Variants in SMG9 observed in about 807,000 individuals in gnomAD.
SMG9 encodes the protein nonsense-mediated mRNA decay factor SMG9.
A neutral mutation model predicts 64.0 loss-of-function variants in SMG9; 55 were observed. The ratio of observed to expected loss-of-function variants is 0.86; its 90% CI spans 0.69 to 1.08. The LOEUF (loss-of-function observed/expected upper bound fraction) is 1.08, where lower values mean the gene tolerates loss of function less well. SMG9 is among the 50% of genes least tolerant of loss of function. The probability of loss-of-function intolerance (pLI) is 0.00; values close to 1 mark genes in which losing one functional copy is unlikely to be tolerated. For missense variants in SMG9, 554 were observed against 681.3 expected (o/e 0.81, Z 2.08); for synonymous variants, 244 against 254.8 (o/e 0.96, Z 0.41).
At chr19:43,743,047 C>T (rs535055826) in intron 6 of SMG9, among the ~76,000 whole-genome samples, 4 of 151,994 alleles carry the variant, frequency 2.6e-5, no homozygotes, top group African/African-American at 9.7e-5. Flanking sequence ...CGCCCTCCAG[C>T]CTGGGTGACA....
At chr19:43,736,741 A>T (rs563018899) in intron 9 of SMG9, among the ~76,000 whole-genome samples, 1 of 152,342 alleles carries the variant, frequency 6.6e-6, no homozygotes, top group East Asian at 1.9e-4. Flanking sequence ...GAGAAAGATC[A>T]TAAGGAAAGC....
At chr19:43,754,407 C>A (rs111237925) in intron 1 of SMG9, 1 of 152,264 alleles carries the variant, frequency 6.6e-6, no homozygotes, top group Non-Finnish European at 1.5e-5. Flanking sequence ...CAGTACTTGA[C>A]GGGCAGTTTG....
At chr19:43,749,543 T>G (rs1969129906) in intron 2 of SMG9, among the ~76,000 whole-genome samples, 1 of 152,216 alleles carries the variant, frequency 6.6e-6, no homozygotes, top group Admixed American at 6.5e-5. Flanking sequence ...TCATTTACAC[T>G]GTGGCCCAAG....
rs759674373 is a variant in SMG9 at position 43,728,823 on chromosome 19, C to T, written c.*2773G>A. 1.9e-4 allele frequency: 39 copies of T among 207,830 alleles called. No homozygotes were observed. Among genetic ancestry groups the T allele is most frequent in the Non-Finnish European group, 3.1e-4 (37 of 119,026 alleles). The allele number at this position is 207,830 out of a possible 1,614,324, so 12.9% of individuals were successfully genotyped here. ...AGCTGATTGAGCGGTGCTCATGTTT[C>T]CTGCAGTGGAGGGTGAGAAGGATAC... On this transcript the variant is annotated 3_prime_UTR_variant, in exon 14 of 14. Transcript: ENST00000270066.
At chr19:43,733,161 A>C in intron 12 of SMG9, 159 bp from the exon 13 acceptor site, 1 of 1,326,898 alleles carries the variant, frequency 7.5e-7, no homozygotes, top group Non-Finnish European at 1.0e-6. Flanking sequence ...TAAAGGGTCC[A>C]CACACCCCAG....
intron 1 of SMG9, among the ~76,000 whole-genome samples, chr19:43,752,085 A>G (rs1969205160): frequency 1.3e-5 from 2 of 152,206 alleles, no homozygotes; most frequent in Admixed American, 1.3e-4. Flanking sequence ...GCCACTTACT[A>G]GTGTATGTCA....
In SMG9 at chr19:43,740,895, G is replaced by T. The variant is rs546839851; in HGVS notation, c.702-677C>A. ...GCCCTAAACCACTAAGTTCAACTTG[G>T]TGACTCTGTGACTTGGGCAAAGTGA... On this transcript the variant is annotated intron_variant, in intron 6 of 13. Transcript: ENST00000270066. 4.6e-5 allele frequency among the ~76,000 whole-genome samples: 7 copies of T among 152,264 alleles called. No individual in the cohort carries two copies. In the South Asian group the frequency reaches 1.5e-3, roughly 32 times the overall value.
At chr19:43,746,427 G>A (rs1024107035) in intron 5 of SMG9, among the ~76,000 whole-genome samples, 1 of 152,170 alleles carries the variant, frequency 6.6e-6, no homozygotes, top group East Asian at 1.9e-4. Flanking sequence ...CATCACTGCA[G>A]AAAGTTTTCC....
intron 9 of SMG9, among the ~76,000 whole-genome samples, chr19:43,736,606 C>T (rs574081771): frequency 2.0e-4 from 30 of 152,308 alleles, no homozygotes; most frequent in African/African-American, 6.3e-4. Flanking sequence ...CAAAACTCCA[C>T]GGATCAGACA....
intron 9 of SMG9, among the ~76,000 whole-genome samples, chr19:43,736,559 C>T (rs1421962169): frequency 6.6e-6 from 1 of 152,180 alleles, no homozygotes; most frequent in Admixed American, 6.5e-5. Flanking sequence ...CCCTGAGTAC[C>T]AACAGGAGGG....
At chr19:43,742,028 A>G (rs978791252) in intron 6 of SMG9, among the ~76,000 whole-genome samples, 9 of 152,134 alleles carry the variant, frequency 5.9e-5, no homozygotes, top group African/African-American at 9.7e-5. Context: ...CACGCCTGTA[A>G]TCCCAGCTAC....
intron 6 of SMG9, among the ~76,000 whole-genome samples, chr19:43,743,756 AT>A (rs1178025696): frequency 6.6e-6 from 1 of 152,224 alleles, no homozygotes; most frequent in Non-Finnish European, 1.5e-5. Context: ...TGATCGTGCC[AT>A]TGCACTTGAG....
chr19:43,733,107 C>A, intron 12 of SMG9, 105 bp from the exon 13 acceptor site: 1 of 1,413,414 alleles, frequency 7.1e-7, no homozygotes, highest in Non-Finnish European at 9.5e-7. Flanking sequence ...TCAGCCCCGG[C>A]TGAGCTCTTC....
chr19:43,743,810 A>T (rs1403443033), intron 6 of SMG9, among the ~76,000 whole-genome samples: 1 of 152,190 alleles, frequency 6.6e-6, no homozygotes, highest in Non-Finnish European at 1.5e-5. Context: ...ATAAATGAAT[A>T]AATAAAATTC....
intron 6 of SMG9, among the ~76,000 whole-genome samples, chr19:43,742,587 C>G (rs897307159): frequency 6.6e-6 from 1 of 152,206 alleles, no homozygotes; most frequent in Non-Finnish European, 1.5e-5. Context: ...CCCACAAGGG[C>G]AGATTTTTTC....
intron 2 of SMG9, among the ~76,000 whole-genome samples, chr19:43,749,036 A>G (rs1274314966): frequency 6.6e-6 from 1 of 152,104 alleles, no homozygotes; most frequent in Non-Finnish European, 1.5e-5. Context: ...ATATTTGCAT[A>G]TTTACTGGTT....
chr19:43,747,497 T>C lies in SMG9; in HGVS notation c.533A>G (p.Lys178Arg). 6.2e-7 allele frequency: 1 copy of C among 1,614,208 alleles called. No homozygotes were observed. The highest frequency in any genetic ancestry group is 8.5e-7 in the Non-Finnish European group (1 of 1,180,044). ...QAKLLPPERMKHSIKLVDDQM... is the reference protein window; with the variant it reads ...QAKLLPPERMRHSIKLVDDQM... Reference sequence around the variant, plus strand: ...GTCATCCACCAACTTGATGCTGTGCTTCATGCGCTCTGGGGGCAGTAGTTT... The same window carrying C: ...GTCATCCACCAACTTGATGCTGTGCCTCATGCGCTCTGGGGGCAGTAGTTT... The change falls in exon 5 of 14, where the codon AAG becomes AGG. Residue 178 changes from lysine to arginine, a missense_variant. Transcript: ENST00000270066.
chr19:43,738,170 G>T lies in SMG9; in HGVS notation c.861C>A (p.Arg287=), dbSNP rs1968734679. The T allele has an allele frequency of 8.1e-6, 13 of 1,614,028 alleles. No homozygotes were observed. Among genetic ancestry groups the T allele is most frequent in the Non-Finnish European group, 1.1e-5 (13 of 1,180,038 alleles). Residue 287 remains arginine (R), a synonymous_variant, in exon 8 of 14, where the codon CGC becomes CGA. Coordinates refer to ENST00000270066, the MANE Select transcript of SMG9 (RefSeq NM_019108.4). ...SILDHLINND[R]KLPPEYNLPH... The stretch of plus-strand genomic sequence containing the variant: ...GAAGGTTGTACTCTGGAGGCAGTTT[G>T]CGGTCATTATTGATGAGATGGTCTA...
chr19:43,753,635 A>C (rs1183691934), intron 1 of SMG9, among the ~76,000 whole-genome samples: 14 of 151,468 alleles, frequency 9.2e-5, no homozygotes, highest in African/African-American at 2.9e-4. Context: ...TAAGTTTTGC[A>C]TTTTCAGTAG....
Sources: allele counts gnomAD v4.1 joint callset (sites outside exome capture counted in the v4.1 genomes callset), GRCh38; gene constraint gnomAD v4.1.1; transcripts MANE v1.5; gene names NCBI Gene and HGNC (gene_info 2026-07-23, HGNC 2026-07-21).